Variants in BRINP3 observed in about 807,000 individuals in gnomAD.
BRINP3 encodes BMP/retinoic acid-inducible neural-specific protein 3.
Under a neutral mutation model 71.0 loss-of-function variants are expected in BRINP3, and 19 were observed. The ratio of observed to expected loss-of-function variants is 0.27; its 90% confidence interval spans 0.19 to 0.39. The LOEUF is 0.39. Ranked by LOEUF, BRINP3 falls within the 10% of genes least tolerant of loss-of-function variation. The pLI is 1.00. For synonymous variants in BRINP3, 380 were observed against 337.7 expected (o/e 1.13, Z -1.37); for missense variants, 959 against 940.8 (o/e 1.02, Z -0.25).
At chr1:190,461,472 A>G (rs1251155829) in intron 1 of BRINP3, among the ~76,000 whole-genome samples, 1 of 152,158 alleles carries the variant, frequency 6.6e-6, no homozygotes, top group African/African-American at 2.4e-5. Context: ...GTACATTTAC[A>G]TGATATTTGC....
chr1:190,452,930 A>G (rs889158882), intron 2 of BRINP3, among the ~76,000 whole-genome samples: 20 of 152,124 alleles, frequency 1.3e-4, no homozygotes, highest in Non-Finnish European at 2.9e-4. Flanking sequence ...CTAAACCACA[A>G]CAATCACACA....
At chr1:190,236,023 A>G (rs1658483249) in intron 4 of BRINP3, among the ~76,000 whole-genome samples, 1 of 151,976 alleles carries the variant, frequency 6.6e-6, no homozygotes, top group Non-Finnish European at 1.5e-5. Flanking sequence ...GATTAAGAGA[A>G]AGAGGAGGAG....
intron 2 of BRINP3, among the ~76,000 whole-genome samples, chr1:190,399,187 G>A (rs1047590173): frequency 6.6e-6 from 1 of 151,928 alleles, no homozygotes; most frequent in Non-Finnish European, 1.5e-5. Context: ...TAGGTGAATA[G>A]AAATGTCACT....
intron 2 of BRINP3, among the ~76,000 whole-genome samples, chr1:190,330,194 A>T (rs547546181): frequency 8.4e-4 from 127 of 151,922 alleles, no homozygotes; most frequent in African/African-American, 2.8e-3. Flanking sequence ...CAGAATAAAT[A>T]AAAAAACTAC....
intron 2 of BRINP3, among the ~76,000 whole-genome samples, chr1:190,327,326 C>CAAAAA (rs1227478693): frequency 6.6e-4 from 29 of 44,220 alleles, no homozygotes; most frequent in South Asian, 8.0e-4. Flanking sequence ...AAAAAAAGAA[C>CAAAAA]AAAAAAAAAA....
chr1:190,437,438 T>C (rs1674537386), intron 2 of BRINP3, among the ~76,000 whole-genome samples: 1 of 151,802 alleles, frequency 6.6e-6, no homozygotes. Context: ...CTCTGTCCAG[T>C]AATCCTAAAC....
At chr1:190,154,489 G>A (rs1200815517) in intron 7 of BRINP3, among the ~76,000 whole-genome samples, 1 of 152,194 alleles carries the variant, frequency 6.6e-6, no homozygotes, top group East Asian at 1.9e-4. Context: ...CTTTTGCATT[G>A]TTTTGACACT....
chr1:190,190,658 G>A (rs1653954872), intron 6 of BRINP3, among the ~76,000 whole-genome samples: 2 of 151,900 alleles, frequency 1.3e-5, no homozygotes, highest in South Asian at 2.1e-4. Context: ...AGAATATCAT[G>A]TTAATCAGGA....
intron 2 of BRINP3, among the ~76,000 whole-genome samples, chr1:190,420,723 T>C (rs527597631): frequency 7.2e-5 from 11 of 152,046 alleles, no homozygotes; most frequent in Non-Finnish European, 1.0e-4. Context: ...AGCAAAATCT[T>C]ATACTTGAAA....
At chr1:190,135,873 T>C (rs2102369066) in intron 7 of BRINP3, among the ~76,000 whole-genome samples, 1 of 152,230 alleles carries the variant, frequency 6.6e-6, no homozygotes, top group Non-Finnish European at 1.5e-5. Flanking sequence ...AATTTGTGAA[T>C]ATTTCTCTAA....
chr1:190,298,737 A>G (rs775829592), intron 2 of BRINP3, among the ~76,000 whole-genome samples: 3 of 152,084 alleles, frequency 2.0e-5, no homozygotes, highest in Non-Finnish European at 4.4e-5. Context: ...GACTCTTAAT[A>G]TGCTCTATTT....
chr1:190,301,675 G>C (rs529983829), intron 2 of BRINP3, among the ~76,000 whole-genome samples: 3 of 151,696 alleles, frequency 2.0e-5, no homozygotes, highest in Non-Finnish European at 4.4e-5. Context: ...ACAAAGCAAG[G>C]TGAGAAAACT....
chr1:190,376,649 CATATT>C (rs1670201019), intron 2 of BRINP3, among the ~76,000 whole-genome samples: 1 of 151,974 alleles, frequency 6.6e-6, no homozygotes, highest in African/African-American at 2.4e-5. Context: ...AGTTTGATAT[CATATT>C]ATAATTTCTT....
chr1:190,320,071 G>A (rs565200758), intron 2 of BRINP3, among the ~76,000 whole-genome samples: 53 of 151,916 alleles, frequency 3.5e-4, no homozygotes, highest in African/African-American at 1.3e-3. Flanking sequence ...TAGGTTCTTG[G>A]TAACTTTGAC....
chr1:190,396,540 C>T (rs1226906211), intron 2 of BRINP3, among the ~76,000 whole-genome samples: 5 of 151,296 alleles, frequency 3.3e-5, no homozygotes, highest in Admixed American at 6.6e-5. Flanking sequence ...ACTACAGAAA[C>T]CCATCCAACC....
At chr1:190,295,408 A>C (rs1664174184) in intron 2 of BRINP3, among the ~76,000 whole-genome samples, 1 of 150,194 alleles carries the variant, frequency 6.7e-6, no homozygotes, top group African/African-American at 2.5e-5. Flanking sequence ...TTGGGGGAGG[A>C]GTGATCTGGG....
chr1:190,159,708 A>G (rs1236381629), intron 7 of BRINP3, among the ~76,000 whole-genome samples: 1 of 152,042 alleles, frequency 6.6e-6, no homozygotes, highest in African/African-American at 2.4e-5. Context: ...ATGAGGAGTG[A>G]CTGCTAATTG....
chr1:190,417,411 A>T (rs1673079648), intron 2 of BRINP3, among the ~76,000 whole-genome samples: 1 of 152,160 alleles, frequency 6.6e-6, no homozygotes, highest in Admixed American at 6.5e-5. Context: ...CGATCAATAC[A>T]ATATACCTAT....
intron 6 of BRINP3, among the ~76,000 whole-genome samples, chr1:190,178,202 G>C (rs1539478): frequency 0.37 from 55,956 of 151,858 alleles, 10,373 homozygotes; most frequent in Middle Eastern, 0.42. Context: ...CAAGGGTTTT[G>C]TACGTAGTAC....
Sources: allele counts gnomAD v4.1 joint callset (sites outside exome capture counted in the v4.1 genomes callset), GRCh38; gene constraint gnomAD v4.1.1; transcripts MANE v1.5; gene names NCBI Gene and HGNC (gene_info 2026-07-23, HGNC 2026-07-21).